Variants in FAM25A observed in about 807,000 individuals in gnomAD.
FAM25A encodes family with sequence similarity 25 member A.
FAM25A carries 5 observed loss-of-function variants against 6.6 expected under a neutral mutation model. The observed-to-expected ratio is 0.75, with a 90% CI of 0.39 to 1.59. The LOEUF is 1.59. FAM25A is among the 40% of genes most tolerant of loss of function. The probability of loss-of-function intolerance (pLI) is 0.02; values close to 1 mark genes in which losing one functional copy is unlikely to be tolerated. For synonymous variants in FAM25A, 36 were observed against 41.3 expected, an observed-to-expected ratio of 0.87 and a Z score of 0.49; for missense variants, 93 against 109.7, an observed-to-expected ratio of 0.85 and a Z score of 0.68.
At chr10:87,024,239 A>G (rs1006166026) in intron 2 of FAM25A, among the ~76,000 whole-genome samples, 10 of 152,122 alleles carry the variant, frequency 6.6e-5, no homozygotes, top group African/African-American at 9.7e-5. Flanking sequence ...ATGATAATCC[A>G]ATATAACAAC....
At chr10:87,023,235 A>T (rs1845346460) in intron 2 of FAM25A, among the ~76,000 whole-genome samples, 1 of 152,114 alleles carries the variant, frequency 6.6e-6, no homozygotes, top group East Asian at 1.9e-4. Context: ...AAAAAAAAAA[A>T]TTTAACATGT....
In FAM25A at chr10:87,020,301, T is replaced by G. The variant is rs1161659335; in HGVS notation, c.-24T>G. 6.5e-7 allele frequency: 1 copy of G among 1,549,424 alleles called. No homozygotes were observed. Among genetic ancestry groups the G allele is most frequent in the South Asian group, 1.2e-5 (1 of 83,944 alleles). ...GTTGGGCCAGTCCTCAGCATCCTAG[T>G]TCACCACTGTCTGCTGCCACACGAT... On this transcript the variant is annotated 5_prime_UTR_variant, in exon 1 of 3. Transcript: ENST00000343959.
chr10:87,023,173 A>G (rs1342417652), intron 2 of FAM25A, among the ~76,000 whole-genome samples: 1 of 151,718 alleles, frequency 6.6e-6, no homozygotes, highest in Non-Finnish European at 1.5e-5. Flanking sequence ...GTGAGCCGAG[A>G]TCGTGCCACT....
In FAM25A at chr10:87,022,738, A is replaced by G. The variant is rs181511311; in HGVS notation, c.136+362A>G. Among the ~76,000 whole-genome samples the G allele has an allele frequency of 5.5e-3, 816 of 149,444 alleles. 9 individuals are homozygous for G. The highest frequency in any genetic ancestry group is 0.019 in the African/African-American group (779 of 40,416). On this transcript the variant is annotated intron_variant, in intron 2 of 2. Coordinates refer to ENST00000343959, the MANE Select transcript of FAM25A (RefSeq NM_001146157.3). ...TCAGGAGATTGAGACCATCCTGGCT[A>G]ACACGGTGAAATCCCATCTCTACTA...
chr10:87,022,491 T>C, intron 2 of FAM25A, 115 bp downstream of exon 2: 1 of 1,249,832 alleles, frequency 8.0e-7, no homozygotes. Context: ...GTTGCAGCCT[T>C]TCAGAGCCTC....
intron 2 of FAM25A, among the ~76,000 whole-genome samples, chr10:87,022,913 T>A (rs4081144): frequency 7.3e-6 from 1 of 136,414 alleles, no homozygotes; most frequent in South Asian, 2.4e-4. Context: ...GGCTACAGAG[T>A]GAGACTCGGT....
intron 1 of FAM25A, among the ~76,000 whole-genome samples, chr10:87,021,911 T>G (rs551870025): frequency 2.0e-5 from 3 of 152,120 alleles, no homozygotes; most frequent in African/African-American, 7.2e-5. Context: ...CTGAGAGGGG[T>G]GTGACCTGGC....
intron 1 of FAM25A, 33 bp downstream of exon 1, chr10:87,020,430 G>T (rs10218973): frequency 6.5e-7 from 1 of 1,547,174 alleles, no homozygotes; most frequent in Non-Finnish European, 8.7e-7. Flanking sequence ...TACCTGGGCT[G>T]GGGGGATCTG....
chr10:87,020,527 C>G (rs1031452537), intron 1 of FAM25A, 130 bp downstream of exon 1: 2 of 1,234,798 alleles, frequency 1.6e-6, no homozygotes, highest in Non-Finnish European at 2.2e-6. Flanking sequence ...CCCTGGTCCC[C>G]TGCTCTACCA....
chr10:87,023,010 G>A (rs1319148463), intron 2 of FAM25A, among the ~76,000 whole-genome samples: 1 of 151,022 alleles, frequency 6.6e-6, no homozygotes, highest in Non-Finnish European at 1.5e-5. Context: ...GAGGTGGGCG[G>A]ATCACGAGGT....
At chr10:87,021,270 T>G (rs1485768711) in intron 1 of FAM25A, among the ~76,000 whole-genome samples, 3 of 152,220 alleles carry the variant, frequency 2.0e-5, no homozygotes, top group South Asian at 2.1e-4. Flanking sequence ...TATTTTGTTT[T>G]TGACTCTGCA....
rs150312958 is a variant in FAM25A, at chr10:87,021,508, A to G, written c.74-806A>G. 9.8e-3 allele frequency among the ~76,000 whole-genome samples: 1,496 copies of G among 152,298 alleles called. 36 individuals are homozygous for G. The highest frequency in any genetic ancestry group is 0.046 in the East Asian group (238 of 5,176). ...TCCTCACCACCTGTTTCTTTGTTAG[A>G]TCACCAATAAATAGCATGGGTTCCC... On this transcript the variant is annotated intron_variant, in intron 1 of 2. Transcript: ENST00000343959.
At chr10:87,022,251 C>T in intron 1 of FAM25A, 63 bp from the exon 2 acceptor site, 1 of 1,540,716 alleles carries the variant, frequency 6.5e-7, no homozygotes, top group South Asian at 1.2e-5. Flanking sequence ...AGCCCTCACC[C>T]TGGACTGGGA....
In FAM25A at chr10:87,024,680, C is replaced by T. The variant is rs1390424177; in HGVS notation, c.*6C>T. On this transcript the variant is annotated 3_prime_UTR_variant, in exon 3 of 3. Coordinates refer to ENST00000343959, the MANE Select transcript of FAM25A (RefSeq NM_001146157.3). ...TGGACAAACTTGGACAGTGAGTGCA[C>T]CTGCTACCACGGCCCTTCCCCAGTC... is the stretch of plus-strand genomic sequence containing the variant. 1.3e-6 allele frequency: 2 copies of T among 1,535,742 alleles called. No homozygotes were observed. Among genetic ancestry groups the T allele is most frequent in the Admixed American group, 2.0e-5 (1 of 50,996 alleles).
rs781252639 is a variant in FAM25A at position 87,024,494 on chromosome 10, T to A, written c.137-47T>A. Reference sequence around the variant, plus strand: ...CACAGGCCACTCAAGGGGACACAAGTTCAGCGGGTGGATCACTAGGACATT... The same window carrying A: ...CACAGGCCACTCAAGGGGACACAAGATCAGCGGGTGGATCACTAGGACATT... On this transcript the variant is annotated intron_variant, in intron 2 of 2. Coordinates refer to ENST00000343959, the MANE Select transcript of FAM25A (RefSeq NM_001146157.3). The A allele has an allele frequency of 7.2e-6, 11 of 1,535,786 alleles. No homozygotes were observed. In the South Asian group the frequency reaches 1.3e-4, roughly 18 times the overall value.
intron 2 of FAM25A, among the ~76,000 whole-genome samples, chr10:87,024,275 T>A (rs1376725397): frequency 6.6e-6 from 1 of 151,516 alleles, no homozygotes; most frequent in African/African-American, 2.4e-5. Flanking sequence ...TCAAAAGACA[T>A]AAGCAGGCAT....
chr10:87,023,096 C>G (rs1208572741), intron 2 of FAM25A, among the ~76,000 whole-genome samples: 1 of 151,412 alleles, frequency 6.6e-6, no homozygotes, highest in Non-Finnish European at 1.5e-5. Context: ...TGGCGGGTGC[C>G]TGTAGTCCTA....
chr10:87,024,418 T>C (rs1845358741), intron 2 of FAM25A, 123 bp from the exon 3 acceptor site: 3 of 1,420,628 alleles, frequency 2.1e-6, no homozygotes, highest in Non-Finnish European at 1.9e-6. Flanking sequence ...CCTGCTGCCC[T>C]TGGTCCCATC....
rs576039558 is a variant in FAM25A, at chr10:87,021,024, C to T, written c.73+627C>T. Reference sequence around the variant, plus strand: ...TATATTTTTAGCAGAGACAGGGTTTCGCCATGTTGGCCAGGCTGGTCTCAA... The same window carrying T: ...TATATTTTTAGCAGAGACAGGGTTTTGCCATGTTGGCCAGGCTGGTCTCAA... On this transcript the variant is annotated intron_variant, in intron 1 of 2. Transcript: ENST00000343959. 1.9e-4 allele frequency among the ~76,000 whole-genome samples: 29 copies of T among 152,272 alleles called. 1 individual carries two copies. The South Asian group carries it at 5.2e-3, about 27-fold the overall frequency.
Sources: allele counts gnomAD v4.1 joint callset (sites outside exome capture counted in the v4.1 genomes callset), GRCh38; gene constraint gnomAD v4.1.1; transcripts MANE v1.5; gene names NCBI Gene and HGNC (gene_info 2026-07-23, HGNC 2026-07-21).